The following COL13A1 variants were observed in gnomAD, a reference collection of about 807,000 sequenced individuals.
The protein encoded by COL13A1 is collagen alpha-1(XIII) chain.
Under a neutral mutation model 130.9 loss-of-function variants are expected in COL13A1, and 89 were observed. That is an observed-to-expected ratio of 0.68 (90% confidence interval 0.57 to 0.81). COL13A1 has a LOEUF of 0.81. COL13A1 is among the 30% of genes least tolerant of loss of function. The pLI is 0.00. For missense variants in COL13A1, 879 were observed against 934.6 expected (o/e 0.94, Z 0.78); for synonymous variants, 402 against 341.6 (o/e 1.18, Z -1.95).
intron 19 of COL13A1, among the ~76,000 whole-genome samples, chr10:69,918,837 G>T (rs976964576): frequency 3.3e-5 from 5 of 152,146 alleles, no homozygotes; most frequent in African/African-American, 1.2e-4. Flanking sequence ...GCTCCCACCT[G>T]CCACACCCCT....
rs189817608 is a variant in COL13A1, at chr10:69,857,657, T to A, written c.365-10141T>A. ...GAAAAATTGTCTTCTAGGAAACCAGTCCCTGGTGCCAAAAAGGTTAGGGAC... is the reference window on the plus strand; with the variant it reads ...GAAAAATTGTCTTCTAGGAAACCAGACCCTGGTGCCAAAAAGGTTAGGGAC... On this transcript the variant is annotated intron_variant, in intron 2 of 40. Coordinates refer to ENST00000645393, the MANE Select transcript of COL13A1 (RefSeq NM_001368882.1). Among the ~76,000 whole-genome samples the A allele has an allele frequency of 5.5e-4, 83 of 150,620 alleles. 1 individual carries two copies. The highest frequency in any genetic ancestry group is 2.0e-3 in the African/African-American group (81 of 40,934).
chr10:69,867,351 G>A (rs2058625598), intron 2 of COL13A1, among the ~76,000 whole-genome samples: 1 of 152,236 alleles, frequency 6.6e-6, no homozygotes, highest in Non-Finnish European at 1.5e-5. Flanking sequence ...CTGCCTGCCT[G>A]CTGGCCCTCC....
chr10:69,922,709 G>T lies in COL13A1; in HGVS notation c.1145G>T (p.Gly382Val). 1.2e-6 allele frequency: 2 copies of T among 1,603,976 alleles called. No homozygotes were observed. Among genetic ancestry groups the T allele is most frequent in the Non-Finnish European group, 1.7e-6 (2 of 1,175,806 alleles). Reference protein sequence around the residue: ...PGLPGLLGQKGEKGDAGNSIG... With the variant: ...PGLPGLLGQKVEKGDAGNSIG... ...GCTAACTCCACCTTCCACCCCCAGG[G>T]AGAGAAAGGCGATGCTGGCAACTCC... Residue 382 changes from glycine to valine, a missense_variant and splice_region_variant, in exon 23 of 41, where the codon GGA (glycine) becomes GTA (valine). By Grantham distance (109) the Gly-to-Val change is moderately radical. This residue lies in a region of COL13A1 where 715 missense variants were observed against 721.0 expected (regional missense o/e 0.99). Coordinates refer to ENST00000645393, the MANE Select transcript of COL13A1 (RefSeq NM_001368882.1).
intron 38 of COL13A1, among the ~76,000 whole-genome samples, chr10:69,947,794 AC>A (rs2068775988): frequency 6.6e-6 from 1 of 152,188 alleles, no homozygotes; most frequent in African/African-American, 2.4e-5. Flanking sequence ...GAAGCAGCCA[AC>A]CCTTTTAAAA....
At chr10:69,922,843 T>C in intron 23 of COL13A1, 49 bp downstream of exon 23, 1 of 1,334,714 alleles carries the variant, frequency 7.5e-7, no homozygotes, top group Non-Finnish European at 1.0e-6. Context: ...CCTGGGGACT[T>C]TGTCTTCAGC....
intron 17 of COL13A1, among the ~76,000 whole-genome samples, chr10:69,909,734 G>A (rs1210275898): frequency 6.6e-6 from 1 of 152,192 alleles, no homozygotes; most frequent in Non-Finnish European, 1.5e-5. Context: ...TTGACCCCCA[G>A]TGATCACCAT....
chr10:69,944,218 G>A, intron 36 of COL13A1, 40 bp downstream of exon 36: 2 of 1,577,962 alleles, frequency 1.3e-6, no homozygotes, highest in South Asian at 1.1e-5. Flanking sequence ...GGCCAGGAGG[G>A]AGAGGCATGC....
At chr10:69,836,441 G>A (rs1035918779) in intron 2 of COL13A1, among the ~76,000 whole-genome samples, 2 of 152,232 alleles carry the variant, frequency 1.3e-5, no homozygotes, top group African/African-American at 4.8e-5. Flanking sequence ...GGACCCCAGA[G>A]CTCAGCTGAC....
intron 1 of COL13A1, among the ~76,000 whole-genome samples, chr10:69,817,634 A>C (rs1844919585): frequency 6.6e-6 from 1 of 151,988 alleles, no homozygotes; most frequent in Non-Finnish European, 1.5e-5. Context: ...GAGACGTTGG[A>C]TCTAGCCAGG....
intron 2 of COL13A1, among the ~76,000 whole-genome samples, chr10:69,847,001 T>A (rs1321144070): frequency 1.3e-5 from 2 of 152,004 alleles, no homozygotes; most frequent in Non-Finnish European, 2.9e-5. Flanking sequence ...GTTAGCCAAA[T>A]CCCAGGTCGT....
intron 10 of COL13A1, among the ~76,000 whole-genome samples, chr10:69,890,855 G>A (rs2061103912): frequency 6.6e-6 from 1 of 152,218 alleles, no homozygotes; most frequent in Non-Finnish European, 1.5e-5. Flanking sequence ...CCCTTTGACA[G>A]GTGTGGAAAC....
At chr10:69,872,358 T>C in intron 4 of COL13A1, 148 bp downstream of exon 4, 1 of 868,934 alleles carries the variant, frequency 1.2e-6, no homozygotes, top group Non-Finnish European at 1.8e-6. Flanking sequence ...TAGCTTAGGG[T>C]GAAGTCACCT....
At chr10:69,829,951 G>A (rs1848422861) in intron 2 of COL13A1, among the ~76,000 whole-genome samples, 1 of 152,186 alleles carries the variant, frequency 6.6e-6, no homozygotes, top group African/African-American at 2.4e-5. Context: ...GGACGCTGCT[G>A]ATAATGTGTT....
chr10:69,859,423 C>T (rs1185276842), intron 2 of COL13A1, among the ~76,000 whole-genome samples: 1 of 152,260 alleles, frequency 6.6e-6, no homozygotes, highest in Non-Finnish European at 1.5e-5. Flanking sequence ...TGAGTCTGAC[C>T]TGAGCTGTGA....
At position 69,924,507 on chromosome 10, in the gene COL13A1, G is replaced by A. The variant is rs141420224; in HGVS notation, c.1285-456G>A. On this transcript the variant is annotated intron_variant, in intron 24 of 40. Coordinates refer to ENST00000645393, the MANE Select transcript of COL13A1 (RefSeq NM_001368882.1). Reference sequence around the variant, plus strand: ...CCTCCTGGCCCTCCACATTTCACTCGGCATTCTGGGTCTTTCACAAGTAGA... The same window carrying A: ...CCTCCTGGCCCTCCACATTTCACTCAGCATTCTGGGTCTTTCACAAGTAGA... Among the ~76,000 whole-genome samples the A allele has an allele frequency of 2.2e-3, 330 of 150,688 alleles. 1 individual carries two copies. The highest frequency in any genetic ancestry group is 7.4e-3 in the African/African-American group (303 of 40,950).
intron 5 of COL13A1, 105 bp downstream of exon 5, chr10:69,875,268 G>A (rs2059465647): frequency 2.1e-6 from 3 of 1,406,860 alleles, no homozygotes; most frequent in African/African-American, 1.4e-5. Flanking sequence ...GGCCCAAGGA[G>A]GGGGTCAGCA....
In COL13A1 at chr10:69,904,502, G is replaced by A. The variant is rs2062532461; in HGVS notation, c.859-431G>A. 2.0e-5 allele frequency among the ~76,000 whole-genome samples: 3 copies of A among 152,180 alleles called. No homozygotes were observed. The South Asian group carries it at 6.2e-4, about 32-fold the overall frequency. On this transcript the variant is annotated intron_variant, in intron 15 of 40. Coordinates refer to ENST00000645393, the MANE Select transcript of COL13A1 (RefSeq NM_001368882.1). Reference sequence around the variant, plus strand: ...CAGCTGCCATGCCCACAGCACCATGGGCAGAAGGAGACAGAGGGCTCCTCC... The same window carrying A: ...CAGCTGCCATGCCCACAGCACCATGAGCAGAAGGAGACAGAGGGCTCCTCC...
rs370943455 is a variant in COL13A1, at chr10:69,919,074, A to T, written c.1012A>T (p.Ile338Phe). ...TTTTTCCACACAGGGTGAGCCAGGG[A>T]TCCCAGGAACCAAGGTACTGATGCA... The part of the protein sequence containing the change: ...AVAGMKGEPG[I>F]PGTKGDPGAE... Residue 338 changes from isoleucine (I) to phenylalanine (F), a missense_variant, in exon 20 of 41, where the codon ATC (isoleucine) becomes TTC (phenylalanine). Physicochemically the swap from Ile to Phe is conservative, Grantham distance 21. This residue lies in a region of COL13A1 where 715 missense variants were observed against 721.0 expected (regional missense o/e 0.99). Coordinates refer to ENST00000645393, the MANE Select transcript of COL13A1 (RefSeq NM_001368882.1). 11 of 1,614,014 alleles carry T rather than the reference A, an allele frequency of 6.8e-6. No individual in the cohort carries two copies. Among genetic ancestry groups the T allele is most frequent in the Non-Finnish European group, 9.3e-6 (11 of 1,179,876 alleles).
Position 69,944,181 on chromosome 10 carries a change from G to GA in COL13A1, c.1968+4dup. ...CAGCGGGACCAAAGGGCGAGAGGGT[G>GA]AGTGTCACTGAGCCAGGGGCCTGGG... On this transcript the variant is annotated splice_donor_region_variant and intron_variant, in intron 36 of 40. Coordinates refer to ENST00000645393, the MANE Select transcript of COL13A1 (RefSeq NM_001368882.1). 6.2e-7 allele frequency: 1 copy of GA among 1,613,456 alleles called. No homozygotes were observed. The highest frequency in any genetic ancestry group is 1.1e-5 in the South Asian group (1 of 91,062).
Sources: allele counts gnomAD v4.1 joint callset (sites outside exome capture counted in the v4.1 genomes callset), GRCh38; gene constraint gnomAD v4.1.1; regional missense constraint gnomAD v4.1.1; transcripts MANE v1.5; gene names NCBI Gene and HGNC (gene_info 2026-07-23, HGNC 2026-07-21).